TARM1: variants seen among roughly 807,000 people sequenced by gnomAD.
TARM1 encodes T cell-interacting, activating receptor on myeloid cells 1.
TARM1 carries 24 observed loss-of-function variants against 30.4 expected under a neutral mutation model. That is an observed-to-expected ratio of 0.79 (90% CI 0.57 to 1.11). The LOEUF is 1.11. Among genes scored for constraint, TARM1 ranks in the 50% least tolerant of loss-of-function variants. The pLI is 0.00. For synonymous variants in TARM1, 129 were observed against 138.9 expected (o/e 0.93, Z 0.50); for missense variants, 323 against 332.8 (o/e 0.97, Z 0.23).
In TARM1 at chr19:54,074,050, C is replaced by T. The variant is rs1172960713; in HGVS notation, c.528G>A (p.Gly176=). The T allele has an allele frequency of 3.7e-5, 57 of 1,551,554 alleles. No individual in the cohort carries two copies. The highest frequency in any genetic ancestry group is 4.8e-5 in the Non-Finnish European group (55 of 1,146,988). ...PSPIQLQSPA[G]KEIDFSLVDV... is the part of the protein sequence containing the mutation. ...CCACCAGAGAGAAGTCTATCTCCTTCCCCGCTGGACTCTGCAGCTGGATGG... is the reference window on the plus strand; with the variant it reads ...CCACCAGAGAGAAGTCTATCTCCTTTCCCGCTGGACTCTGCAGCTGGATGG... The change falls in exon 4 of 5, where the codon GGG becomes GGA. Residue 176 remains glycine (G), a synonymous_variant. Transcript: ENST00000432826.
chr19:54,070,603 GT>G, intron 4 of TARM1, among the ~76,000 whole-genome samples: 1 of 151,356 alleles, frequency 6.6e-6, no homozygotes, highest in Non-Finnish European at 1.5e-5. Context: ...GTACTTTAAA[GT>G]TTTAATTGAA....
chr19:54,079,823 T>C (rs2072051090), intron 1 of TARM1, among the ~76,000 whole-genome samples: 1 of 151,760 alleles, frequency 6.6e-6, no homozygotes, highest in African/African-American at 2.4e-5. Context: ...GCCAACATGA[T>C]GAAACCCCGT....
At chr19:54,080,088 AAAGAAAGGAAGGAAGG>A in intron 1 of TARM1, among the ~76,000 whole-genome samples, 1 of 70,370 alleles carries the variant, frequency 1.4e-5, no homozygotes, top group African/African-American at 8.8e-5. Flanking sequence ...GGAGAAAGAG[AAAGAAAGGAAGGAAGG>A]AAGGAAGGAA....
In TARM1 at chr19:54,076,339, T is replaced by TTTCTTTCATTCA. The variant is rs1456191212; in HGVS notation, c.35-422_35-421insTGAATGAAAGAA. The TTTCTTTCATTCA allele has an allele frequency of 1.1e-4, 89 of 836,890 alleles. 1 individual carries two copies. In the African/African-American group the frequency reaches 1.3e-3, roughly 12 times the overall value. 51.8% of individuals were successfully genotyped at this position (836,890 alleles called of 1,614,324 possible). A position where few individuals can be genotyped will look rare whatever the true frequency, so the allele number is the denominator to read the frequency against. ...CTCTTTCTTTCTTTTTCTTTCTTTC[T>TTTCTTTCATTCA]TTCTTTCTTTCATTCATTCTTTCTT... is the stretch of plus-strand genomic sequence containing the variant. On this transcript the variant is annotated intron_variant, in intron 1 of 4. Transcript: ENST00000432826.
rs773414585 is a variant in TARM1 at position 54,074,103 on chromosome 19, C to T, written c.475G>A (p.Ala159Thr). The part of the protein sequence containing the change: ...RDQLFVPIMF[A>T]LLKAGTPSPI... ...GATGGCGTCCCTGCCTTCAGTAGAG[C>T]GAACATGATAGGCACAAACAATTGG... Residue 159 changes from alanine (A) to threonine (T), a missense_variant, in exon 4 of 5, where the codon GCT becomes ACT. Physicochemically the swap from Ala to Thr is moderately conservative, Grantham distance 58. Transcript: ENST00000432826. 110 of 1,551,686 alleles carry T rather than the reference C, an allele frequency of 7.1e-5. No homozygotes were observed. In the Middle Eastern group the frequency reaches 8.3e-4, roughly 12 times the overall value.
intron 1 of TARM1, chr19:54,076,183 C>A: frequency 6.6e-7 from 1 of 1,505,782 alleles, no homozygotes; most frequent in Non-Finnish European, 8.8e-7. Context: ...TCCTTCCATT[C>A]TCATCTTCTG....
At chr19:54,080,117 AAGGAAGG>A (rs2072069162) in intron 1 of TARM1, among the ~76,000 whole-genome samples, 9 of 36,252 alleles carry the variant, frequency 2.5e-4, no homozygotes, top group Non-Finnish European at 4.3e-4. Context: ...GGAAGGAAGG[AAGGAAGG>A]AAGGAAGGAA....
At chr19:54,075,829 A>G (rs2071936736) in intron 2 of TARM1, 54 bp downstream of exon 2, 5 of 1,530,730 alleles carry the variant, frequency 3.3e-6, no homozygotes, top group Non-Finnish European at 4.4e-6. Context: ...GGAAGAGAAC[A>G]GCAGGGGATT....
chr19:54,080,577 G>GAAGA (rs1193190989), intron 1 of TARM1, among the ~76,000 whole-genome samples: 16 of 148,230 alleles, frequency 1.1e-4, no homozygotes, highest in Admixed American at 6.0e-4. Context: ...AGGAAGGAAG[G>GAAGA]AAGAAAGAAA....
chr19:54,074,118 C>A lies in TARM1; in HGVS notation c.460G>T (p.Val154Leu). 1 of 1,551,720 alleles carries A rather than the reference C, an allele frequency of 6.4e-7. No homozygotes were observed. The highest frequency in any genetic ancestry group is 8.7e-7 in the Non-Finnish European group (1 of 1,147,006). ...TTCAGTAGAGCGAACATGATAGGCA[C>A]AAACAATTGGTCTCGCTTCTGGCAC... ...LQCQKRDQLF[V>L]PIMFALLKAG... is the part of the protein sequence containing the mutation. The change falls in exon 4 of 5, where the codon GTG (valine) becomes TTG (leucine). Residue 154 changes from valine to leucine, a missense_variant. Coordinates refer to ENST00000432826, the MANE Select transcript of TARM1 (RefSeq NM_001135686.3).
intron 3 of TARM1, among the ~76,000 whole-genome samples, 160 bp downstream of exon 3, chr19:54,074,664 C>T (rs2071899216): frequency 6.6e-6 from 1 of 152,134 alleles, no homozygotes; most frequent in Non-Finnish European, 1.5e-5. Flanking sequence ...GCCTGGGCGA[C>T]AAAGTATAAA....
Position 54,074,757 on chromosome 19 carries a change from T to A in TARM1, c.361+67A>T. ...CTGAAGGTGGGACCCCTTTTCTCCC[T>A]CTGTTCCTCCACTTCCTCCCTCATC... On this transcript the variant is annotated intron_variant, in intron 3 of 4. Transcript: ENST00000432826. 3 of 1,493,060 alleles carry A rather than the reference T, an allele frequency of 2.0e-6. No individual in the cohort carries two copies. The South Asian group carries it at 3.9e-5, about 19-fold the overall frequency. The allele number at this position is 1,493,060 out of a possible 1,614,324, so 92.5% of individuals were successfully genotyped here. A position where few individuals can be genotyped will look rare whatever the true frequency, so the allele number is the denominator to read the frequency against.
chr19:54,077,413 A>T (rs999537182), intron 1 of TARM1, among the ~76,000 whole-genome samples: 1 of 152,028 alleles, frequency 6.6e-6, no homozygotes, highest in Non-Finnish European at 1.5e-5. Flanking sequence ...AAAAGAAAAA[A>T]CATAATATCA....
intron 4 of TARM1, among the ~76,000 whole-genome samples, chr19:54,072,989 GAAACA>G (rs2071848881): frequency 6.6e-6 from 1 of 151,592 alleles, no homozygotes. Flanking sequence ...AAAACAAAAT[GAAACA>G]AAACAAAACA....
chr19:54,073,351 G>T (rs1432175850), intron 4 of TARM1, among the ~76,000 whole-genome samples: 1 of 125,502 alleles, frequency 8.0e-6, no homozygotes, highest in Non-Finnish European at 1.6e-5. Flanking sequence ...GGAGGTTGCA[G>T]TGAGCGAAGA....
Position 54,075,895 on chromosome 19 carries a change from T to C in TARM1, c.58A>G (p.Thr20Ala). 1.3e-6 allele frequency: 2 copies of C among 1,551,402 alleles called. No homozygotes were observed. The highest frequency in any genetic ancestry group is 1.7e-6 in the Non-Finnish European group (2 of 1,146,966). The change falls in exon 2 of 5, where the codon ACA (threonine) becomes GCA (alanine). Residue 20 changes from threonine to alanine, a missense_variant. Coordinates refer to ENST00000432826, the MANE Select transcript of TARM1 (RefSeq NM_001135686.3). Reference sequence around the variant, plus strand: ...AAGAAACACTCACCATCTCCCCTTGTGTCTCCTTGGCCCACGCACAGTCCT... The same window carrying C: ...AAGAAACACTCACCATCTCCCCTTGCGTCTCCTTGGCCCACGCACAGTCCT... The part of the protein sequence containing the change: ...CFRLCVGQGD[T>A]RGDGSLPKPS...
At chr19:54,070,237 AT>A in intron 4 of TARM1, 77 bp from the exon 5 acceptor site, 1 of 1,486,498 alleles carries the variant, frequency 6.7e-7, no homozygotes, top group East Asian at 2.5e-5. Context: ...AAATCTGACT[AT>A]CATCACCCAC....
intron 4 of TARM1, among the ~76,000 whole-genome samples, chr19:54,071,059 G>A (rs1426595471): frequency 6.6e-6 from 1 of 152,068 alleles, no homozygotes; most frequent in Non-Finnish European, 1.5e-5. Context: ...CTGGGTTCAA[G>A]CGATTCTCCT....
chr19:54,073,945 A>C lies in TARM1; in HGVS notation c.633T>G (p.Ser211Arg). 1 of 1,551,692 alleles carries C rather than the reference A, an allele frequency of 6.4e-7. No individual in the cohort carries two copies. Among genetic ancestry groups the C allele is most frequent in the Non-Finnish European group, 8.7e-7 (1 of 1,146,978 alleles). Residue 211 changes from serine to arginine, a missense_variant, in exon 4 of 5, where the codon AGT becomes AGG. Transcript: ENST00000432826. ...TKSPFWASEP[S>R]DQLEILVTVP... ...CTGTCACCAATATCTCAAGCTGATC[A>C]CTGGGTTCTGAGGCCCAGAAGGGAG... is the stretch of plus-strand genomic sequence containing the variant.
Sources: gnomAD v4.1 joint callset for allele counts (sites outside exome capture counted in the v4.1 genomes callset) on GRCh38, gnomAD v4.1.1 for gene constraint, MANE v1.5 for transcripts, NCBI Gene and HGNC (gene_info 2026-07-23, HGNC 2026-07-21) for gene names.